ANTXR1: variants seen among roughly 807,000 people sequenced by gnomAD.
The protein encoded by ANTXR1 is ANTXR cell adhesion molecule 1.
A neutral mutation model predicts 78.1 loss-of-function variants in ANTXR1; 19 were observed. The ratio of observed to expected loss-of-function variants is 0.24; its 90% CI spans 0.17 to 0.36. ANTXR1 has a LOEUF of 0.36. Among genes scored for constraint, ANTXR1 ranks in the 10% least tolerant of loss-of-function variants. The pLI is 1.00. For synonymous variants in ANTXR1, 273 were observed against 260.5 expected (o/e 1.05, Z -0.46); for missense variants, 518 against 718.6 (o/e 0.72, Z 3.19).
chr2:69,084,254 T>C (rs1212680313), intron 8 of ANTXR1, among the ~76,000 whole-genome samples: 1 of 152,232 alleles, frequency 6.6e-6, no homozygotes, highest in Non-Finnish European at 1.5e-5. Context: ...GCTTTTCTCC[T>C]GCAGACATGA....
intron 12 of ANTXR1, among the ~76,000 whole-genome samples, chr2:69,147,755 A>C (rs1400770648): frequency 1.3e-5 from 2 of 152,194 alleles, no homozygotes; most frequent in Non-Finnish European, 2.9e-5. Flanking sequence ...ATAAAAATAA[A>C]TATGTCTGTG....
At chr2:69,225,293 A>T (rs1675418462) in intron 17 of ANTXR1, among the ~76,000 whole-genome samples, 1 of 152,106 alleles carries the variant, frequency 6.6e-6, no homozygotes. Context: ...TCTCCATGAG[A>T]TGCCCACAGG....
At chr2:69,240,812 GT>G (rs113432918) in intron 17 of ANTXR1, among the ~76,000 whole-genome samples, 1 of 151,816 alleles carries the variant, frequency 6.6e-6, no homozygotes, top group African/African-American at 2.4e-5. Flanking sequence ...TGAGACTTTA[GT>G]TTTTTTTCTG....
At chr2:69,106,366 C>G (rs573571966) in intron 10 of ANTXR1, among the ~76,000 whole-genome samples, 1 of 152,242 alleles carries the variant, frequency 6.6e-6, no homozygotes, top group African/African-American at 2.4e-5. Context: ...TGGCCTCACT[C>G]AAAGGAAAGA....
At chr2:69,114,606 T>C (rs1037084330) in intron 10 of ANTXR1, among the ~76,000 whole-genome samples, 2 of 152,294 alleles carry the variant, frequency 1.3e-5, no homozygotes, top group African/African-American at 2.4e-5. Context: ...GAGTCCTGTA[T>C]TGGTATTTGT....
At chr2:69,196,378 C>T (rs1220871066) in intron 17 of ANTXR1, among the ~76,000 whole-genome samples, 6 of 152,124 alleles carry the variant, frequency 3.9e-5, no homozygotes, top group Non-Finnish European at 8.8e-5. Flanking sequence ...TGAGAGAAAT[C>T]GATACAGAAA....
intron 2 of ANTXR1, among the ~76,000 whole-genome samples, chr2:69,043,471 T>C (rs1573803510): frequency 6.6e-6 from 1 of 152,214 alleles, no homozygotes; most frequent in African/African-American, 2.4e-5. Flanking sequence ...CATGGTGTCC[T>C]GCTGCCCCAG....
intron 10 of ANTXR1, among the ~76,000 whole-genome samples, chr2:69,104,757 G>A (rs1671748445): frequency 6.6e-6 from 1 of 152,138 alleles, no homozygotes; most frequent in Admixed American, 6.5e-5. Flanking sequence ...TACCCTATGT[G>A]CCGTTGCTCA....
At chr2:69,028,851 G>A (rs1214407295) in intron 1 of ANTXR1, among the ~76,000 whole-genome samples, 3 of 152,122 alleles carry the variant, frequency 2.0e-5, no homozygotes, top group Non-Finnish European at 4.4e-5. Context: ...CAAAAAAGTA[G>A]ATTCAGTTCA....
intron 17 of ANTXR1, among the ~76,000 whole-genome samples, chr2:69,238,653 G>A (rs1321934402): frequency 1.3e-5 from 2 of 152,204 alleles, no homozygotes; most frequent in Non-Finnish European, 2.9e-5. Context: ...ACTGACTTGG[G>A]AAACCTAATT....
At chr2:69,201,802 T>G (rs1674778702) in intron 17 of ANTXR1, among the ~76,000 whole-genome samples, 1 of 152,156 alleles carries the variant, frequency 6.6e-6, no homozygotes, top group Non-Finnish European at 1.5e-5. Flanking sequence ...CGAGGGAAGA[T>G]GAGGACGTCA....
chr2:69,075,990 A>G (rs1254571226), intron 7 of ANTXR1, among the ~76,000 whole-genome samples: 1 of 152,146 alleles, frequency 6.6e-6, no homozygotes, highest in African/African-American at 2.4e-5. Flanking sequence ...TCTGTCACCC[A>G]GGCTGGGGTA....
intron 1 of ANTXR1, among the ~76,000 whole-genome samples, chr2:69,018,525 C>G (rs542185719): frequency 1.1e-4 from 17 of 152,300 alleles, no homozygotes; most frequent in South Asian, 1.0e-3. Flanking sequence ...TACTAACTTA[C>G]AAAAGAAATA....
At chr2:69,021,884 T>C (rs547647909) in intron 1 of ANTXR1, among the ~76,000 whole-genome samples, 1 of 152,296 alleles carries the variant, frequency 6.6e-6, no homozygotes, top group Admixed American at 6.5e-5. Context: ...AACCTAGAAT[T>C]ACTGTCAGAC....
chr2:69,232,074 C>G (rs1675611953), intron 17 of ANTXR1, among the ~76,000 whole-genome samples: 1 of 152,154 alleles, frequency 6.6e-6, no homozygotes, highest in Non-Finnish European at 1.5e-5. Context: ...CTGTGCTACT[C>G]TTGGGTGGCC....
intron 8 of ANTXR1, among the ~76,000 whole-genome samples, chr2:69,085,214 G>C (rs537260518): frequency 1.3e-5 from 2 of 152,224 alleles, no homozygotes; most frequent in African/African-American, 4.8e-5. Context: ...TAATGTTTGT[G>C]GCGCTTCTGT....
intron 16 of ANTXR1, among the ~76,000 whole-genome samples, chr2:69,186,445 G>A (rs1422267184): frequency 7.9e-5 from 12 of 152,224 alleles, no homozygotes; most frequent in African/African-American, 2.9e-4. Flanking sequence ...GCCTTATGTG[G>A]TACCATAAAC....
At position 69,157,536 on chromosome 2, in the gene ANTXR1, GCTGCCCAGA is replaced by G. The variant is rs1423458177; in HGVS notation, c.1047+5275_1047+5283del. ...CAATGGATGTGCCATTGTTCTCCAG[GCTGCCCAGA>G]CTAGGGACTGCAGAGCAACCGCTGA... On this transcript the variant is annotated intron_variant, in intron 13 of 17. Coordinates refer to ENST00000303714, the MANE Select transcript of ANTXR1 (RefSeq NM_032208.3). Among the ~76,000 whole-genome samples, 17 of 151,808 alleles carry G rather than the reference GCTGCCCAGA, an allele frequency of 1.1e-4. No individual in the cohort carries two copies. In the South Asian group the frequency reaches 3.5e-3, roughly 32 times the overall value.
In ANTXR1 at chr2:69,040,704, G is replaced by C. The variant is rs191795532; in HGVS notation, c.224+589G>C. On this transcript the variant is annotated intron_variant, in intron 2 of 17. Coordinates refer to ENST00000303714, the MANE Select transcript of ANTXR1 (RefSeq NM_032208.3). ...TCACTGCAAATATCATGGGAGTCTT[G>C]GACTTAGTGGTAAGGAAATGAGGTC... 2.0e-5 allele frequency among the ~76,000 whole-genome samples: 3 copies of C among 152,308 alleles called. No individual in the cohort carries two copies. In the East Asian group the frequency reaches 5.8e-4, roughly 29 times the overall value.
Sources: allele counts gnomAD v4.1 joint callset (sites outside exome capture counted in the v4.1 genomes callset), GRCh38; gene constraint gnomAD v4.1.1; transcripts MANE v1.5; gene names NCBI Gene and HGNC (gene_info 2026-07-23, HGNC 2026-07-21).